Variants in HSF5 observed in about 807,000 individuals in gnomAD.
HSF5 encodes the protein heat shock factor protein 5.
Under a neutral mutation model 50.8 loss-of-function variants are expected in HSF5, and 5 were observed. That is an observed-to-expected ratio of 0.10 (90% CI 0.05 to 0.21). The LOEUF (loss-of-function observed/expected upper bound fraction) is 0.21, where lower values mean the gene tolerates loss of function less well. Ranked by LOEUF, HSF5 falls within the 10% of genes least tolerant of loss-of-function variation. The pLI is 1.00. For missense variants in HSF5, 564 were observed against 762.6 expected, an observed-to-expected ratio of 0.74 and a Z score of 3.07; for synonymous variants, 307 against 307.4, an observed-to-expected ratio of 1.00 and a Z score of 0.02.
At position 58,487,749 on chromosome 17, in the gene HSF5, C is replaced by A. The variant is rs1427559946; in HGVS notation, c.526G>T (p.Ala176Ser). Residue 176 changes from alanine (A) to serine (S), a missense_variant, in exon 1 of 6, where the codon GCG becomes TCG. Around this residue, in one of 5 missense-constraint regions of HSF5, gnomAD observed 441 missense variants for 533.6 expected, o/e 0.83. Transcript: ENST00000323777. ...CCGTGCGGCTCGGGCCGGGGCCCCG[C>A]GGGCGGCGGCGGCTGCTGGTGCTGC... ...PLQHQQPPPP[A>S]GPRPEPHGPV... 7.2e-7 allele frequency: 1 copy of A among 1,382,334 alleles called. No individual in the cohort carries two copies. The allele number at this position is 1,382,334 out of a possible 1,614,324, so 85.6% of individuals were successfully genotyped here.
Position 58,488,094 on chromosome 17 carries a change from C to A in HSF5, c.181G>T (p.Gly61Trp). 6.4e-7 allele frequency: 1 copy of A among 1,570,940 alleles called. No individual in the cohort carries two copies. Residue 61 changes from glycine (G) to tryptophan (W), a missense_variant, in exon 1 of 6, where the codon GGG becomes TGG. By Grantham distance (184) the Gly-to-Trp change is radical. Around this residue, in one of 5 missense-constraint regions of HSF5, gnomAD observed 72 missense variants for 110.9 expected, o/e 0.65. Coordinates refer to ENST00000323777, the MANE Select transcript of HSF5 (RefSeq NM_001080439.3). This position sits in a 1 kb window ranked among gnomAD's most constrained non-coding sequence, Gnocchi z 4.1. Reference protein sequence around the residue: ...LSPPGPGGGGGTAGAGAEPEL... With the variant: ...LSPPGPGGGGWTAGAGAEPEL... The stretch of plus-strand genomic sequence containing the variant: ...GGCTCGGCCCCGGCCCCCGCAGTCC[C>A]GCCACCGCCCCCCGGCCCGGGCGGG...
At chr17:58,485,721 T>C (rs370128869) in intron 1 of HSF5, among the ~76,000 whole-genome samples, 3 of 136,260 alleles carry the variant, frequency 2.2e-5, no homozygotes, top group African/African-American at 8.5e-5. Context: ...CACTCCAGCC[T>C]GGGGGACAGA....
At chr17:58,444,663 T>C (rs547362599) in intron 5 of HSF5, among the ~76,000 whole-genome samples, 2 of 152,112 alleles carry the variant, frequency 1.3e-5, no homozygotes, top group African/African-American at 4.8e-5. Flanking sequence ...TTCACGACAC[T>C]GGACTTGGCA....
chr17:58,485,704 GC>G (rs1975160912), intron 1 of HSF5, among the ~76,000 whole-genome samples: 1 of 147,554 alleles, frequency 6.8e-6, no homozygotes, highest in African/African-American at 2.5e-5. Context: ...CCAAGATCTT[GC>G]CACTGCACTC....
At chr17:58,431,699 C>A (rs1974366995) in intron 5 of HSF5, among the ~76,000 whole-genome samples, 1 of 152,154 alleles carries the variant, frequency 6.6e-6, no homozygotes, top group Admixed American at 6.5e-5. Context: ...TTGTTTCCAG[C>A]AGAAGAGAAC....
intron 5 of HSF5, among the ~76,000 whole-genome samples, chr17:58,430,496 C>A (rs1168051272): frequency 6.6e-6 from 1 of 152,130 alleles, no homozygotes; most frequent in Non-Finnish European, 1.5e-5. Flanking sequence ...CAGCCAGGGG[C>A]CCAGAGAGAA....
At chr17:58,478,888 GAAAAGAAA>G (rs1327304353) in intron 2 of HSF5, among the ~76,000 whole-genome samples, 1 of 145,442 alleles carries the variant, frequency 6.9e-6, no homozygotes, top group Non-Finnish European at 1.5e-5. Context: ...AAAAAGAGAA[GAAAAGAAA>G]AGAAGAAAAC....
At chr17:58,459,205 G>GTT (rs1008829822) in intron 4 of HSF5, among the ~76,000 whole-genome samples, 7 of 145,776 alleles carry the variant, frequency 4.8e-5, no homozygotes, top group African/African-American at 1.0e-4. Context: ...AAAAGTACAG[G>GTT]TTTTTTTTTT....
At position 58,425,974 on chromosome 17, in the gene HSF5, A is replaced by G. The variant is rs140216478; in HGVS notation, c.1721-3544T>C. ...CATCAGGATTTTTGAAAGCTGACCAAAAAGAATAACACCTAACTATGATCA... is the reference window on the plus strand; with the variant it reads ...CATCAGGATTTTTGAAAGCTGACCAGAAAGAATAACACCTAACTATGATCA... On this transcript the variant is annotated intron_variant, in intron 5 of 5. Coordinates refer to ENST00000323777, the MANE Select transcript of HSF5 (RefSeq NM_001080439.3). 5.7e-3 allele frequency among the ~76,000 whole-genome samples: 870 copies of G among 152,342 alleles called. 6 individuals are homozygous for G. Among genetic ancestry groups the G allele is most frequent in the African/African-American group, 0.02 (818 of 41,574 alleles).
At chr17:58,449,958 G>A (rs1166929961) in intron 5 of HSF5, among the ~76,000 whole-genome samples, 1 of 145,906 alleles carries the variant, frequency 6.9e-6, no homozygotes, top group Non-Finnish European at 1.5e-5. Context: ...GGGAGACGGA[G>A]CTTGCAGTGA....
chr17:58,466,933 A>T lies in HSF5; in HGVS notation c.972T>A (p.Ser324Arg). 6.2e-7 allele frequency: 1 copy of T among 1,612,284 alleles called. No homozygotes were observed. The highest frequency in any genetic ancestry group is 8.5e-7 in the Non-Finnish European group (1 of 1,178,334). The stretch of plus-strand genomic sequence containing the variant: ...AGGAAGAGGCAGTGGGAGTGACACA[A>T]CTACTTAGAGCATCCATGTGGGTAG... Reference protein sequence around the residue: ...CSPTHMDALSSCVTPTASSYA... With the variant: ...CSPTHMDALSRCVTPTASSYA... The change falls in exon 3 of 6, where the codon AGT becomes AGA. Residue 324 changes from serine to arginine, a missense_variant. Physicochemically the swap from Ser to Arg is moderately radical, Grantham distance 110 (BLOSUM62 -1). Coordinates refer to ENST00000323777, the MANE Select transcript of HSF5 (RefSeq NM_001080439.3).
At chr17:58,487,390 G>A (rs1272094802) in intron 1 of HSF5, among the ~76,000 whole-genome samples, 2 of 152,056 alleles carry the variant, frequency 1.3e-5, no homozygotes, top group Admixed American at 1.3e-4. Context: ...GAAGGTAAAC[G>A]GAGGCTTACA....
intron 3 of HSF5, 88 bp downstream of exon 3, chr17:58,466,797 T>A (rs1232123592): frequency 1.3e-6 from 1 of 771,694 alleles, no homozygotes; most frequent in Admixed American, 2.0e-5. Flanking sequence ...TGGTTACTCA[T>A]TAATATAAAA....
intron 1 of HSF5, among the ~76,000 whole-genome samples, chr17:58,480,667 C>T (rs961300412): frequency 1.3e-5 from 2 of 151,808 alleles, no homozygotes; most frequent in Admixed American, 1.3e-4. Flanking sequence ...AATTTTGTAA[C>T]ATTAATAATA....
intron 5 of HSF5, among the ~76,000 whole-genome samples, chr17:58,458,227 A>T (rs1974740086): frequency 6.6e-6 from 1 of 152,332 alleles, no homozygotes; most frequent in African/African-American, 2.4e-5. Flanking sequence ...AATCAACTGT[A>T]TGTGCCTAAA....
At chr17:58,428,425 C>T (rs539411636) in intron 5 of HSF5, among the ~76,000 whole-genome samples, 135 of 152,132 alleles carry the variant, frequency 8.9e-4, no homozygotes, top group African/African-American at 3.0e-3. Context: ...TTTGGGAGGC[C>T]GAGGTGGGCA....
intron 5 of HSF5, among the ~76,000 whole-genome samples, chr17:58,441,667 T>C (rs967020946): frequency 5.9e-5 from 9 of 151,982 alleles, no homozygotes; most frequent in African/African-American, 2.2e-4. Flanking sequence ...TGAAGGATAG[T>C]GAACCAGGAA....
At chr17:58,451,467 A>T (rs983248860) in intron 5 of HSF5, among the ~76,000 whole-genome samples, 6 of 152,232 alleles carry the variant, frequency 3.9e-5, no homozygotes, top group Non-Finnish European at 5.9e-5. Flanking sequence ...AATTTTTTTT[A>T]AAACTGAAAT....
chr17:58,475,148 CTT>C (rs1177322380), intron 2 of HSF5, among the ~76,000 whole-genome samples: 1 of 152,056 alleles, frequency 6.6e-6, no homozygotes, highest in Non-Finnish European at 1.5e-5. Flanking sequence ...TATCATTAAA[CTT>C]AAAACATTTT....
Sources: gnomAD v4.1 joint callset for allele counts (sites outside exome capture counted in the v4.1 genomes callset) on GRCh38, gnomAD v4.1.1 for gene constraint, gnomAD v4.1.1 regional missense constraint, Gnocchi (gnomAD v3.1) non-coding constraint, MANE v1.5 for transcripts, NCBI Gene and HGNC (gene_info 2026-07-23, HGNC 2026-07-21) for gene names.